SIL1: variants seen among roughly 807,000 people sequenced by gnomAD.
SIL1 encodes SIL1 nucleotide exchange factor, also known as nucleotide exchange factor SIL1.
SIL1 carries 40 observed loss-of-function variants against 49.1 expected under a neutral mutation model. The ratio of observed to expected loss-of-function variants is 0.81; its 90% CI spans 0.63 to 1.06. SIL1 has a LOEUF of 1.06. Ranked by LOEUF, SIL1 falls within the 50% of genes least tolerant of loss-of-function variation. SIL1 has a pLI of 0.00. For missense variants in SIL1, 500 were observed against 572.6 expected (o/e 0.87, Z 1.29); for synonymous variants, 253 against 250.8 (o/e 1.01, Z -0.08).
chr5:139,086,887 G>A (rs961687201), intron 3 of SIL1, among the ~76,000 whole-genome samples: 3 of 151,948 alleles, frequency 2.0e-5, no homozygotes, highest in African/African-American at 4.8e-5. Flanking sequence ...TTGAACTCGG[G>A]AGGCGGAGGT....
intron 7 of SIL1, among the ~76,000 whole-genome samples, chr5:138,972,614 C>T (rs1002364965): frequency 6.6e-6 from 1 of 152,234 alleles, no homozygotes; most frequent in Admixed American, 6.5e-5. Flanking sequence ...CAAGCACCAG[C>T]CAAACCTGGA....
intron 5 of SIL1, among the ~76,000 whole-genome samples, chr5:139,031,924 G>A (rs558826650): frequency 4.4e-4 from 67 of 152,204 alleles, no homozygotes; most frequent in African/African-American, 1.6e-3. Flanking sequence ...AATATTCTTT[G>A]TTAGTATATA....
At chr5:139,128,446 C>T (rs1295218393) in intron 1 of SIL1, among the ~76,000 whole-genome samples, 1 of 151,946 alleles carries the variant, frequency 6.6e-6, no homozygotes, top group Non-Finnish European at 1.5e-5. Flanking sequence ...TCACGACCAG[C>T]CTGAACAACA....
intron 3 of SIL1, among the ~76,000 whole-genome samples, chr5:139,062,070 AC>A (rs1170901094): frequency 6.6e-6 from 1 of 152,060 alleles, no homozygotes; most frequent in African/African-American, 2.4e-5. Flanking sequence ...TTTATTCAAA[AC>A]CCCCGAACAA....
chr5:139,175,304 A>G (rs1184371784), intron 1 of SIL1, among the ~76,000 whole-genome samples: 1 of 152,068 alleles, frequency 6.6e-6, no homozygotes, highest in East Asian at 1.9e-4. Context: ...CTGGGCAACA[A>G]GAGCGAAGCT....
chr5:139,071,549 G>A (rs575761489), intron 3 of SIL1, among the ~76,000 whole-genome samples: 14 of 152,164 alleles, frequency 9.2e-5, no homozygotes, highest in Non-Finnish European at 1.5e-4. Flanking sequence ...AGTCTTAAAG[G>A]AGTATATGTT....
intron 7 of SIL1, among the ~76,000 whole-genome samples, chr5:139,019,923 CT>C (rs35102966): frequency 0.26 from 39,891 of 152,134 alleles, 6,079 homozygotes; most frequent in Middle Eastern, 0.4. Context: ...TCTCAAGCCT[CT>C]AAAGCCTTAT....
intron 7 of SIL1, among the ~76,000 whole-genome samples, chr5:138,962,826 G>C (rs1458539239): frequency 6.6e-6 from 1 of 152,206 alleles, no homozygotes; most frequent in Non-Finnish European, 1.5e-5. Context: ...GCTAGAGGGA[G>C]AGATTGGGAG....
At chr5:139,119,558 C>T (rs1020287448) in intron 3 of SIL1, among the ~76,000 whole-genome samples, 9 of 152,074 alleles carry the variant, frequency 5.9e-5, no homozygotes, top group Non-Finnish European at 1.2e-4. Flanking sequence ...CCCAGGAGTT[C>T]GAGATTAGCC....
At chr5:139,059,629 AGAG>A (rs1445375519) in intron 3 of SIL1, among the ~76,000 whole-genome samples, 1 of 152,242 alleles carries the variant, frequency 6.6e-6, no homozygotes, top group Non-Finnish European at 1.5e-5. Context: ...AAGTAACAAA[AGAG>A]GACATCAACA....
chr5:139,038,300 T>C (rs1377112704), intron 5 of SIL1, among the ~76,000 whole-genome samples: 1 of 152,240 alleles, frequency 6.6e-6, no homozygotes, highest in Admixed American at 6.5e-5. Context: ...GGGTATTAAG[T>C]TATGAAATTC....
Position 139,151,551 on chromosome 5 carries a change from T to G in SIL1, c.-10-23698A>C, listed in dbSNP as rs541209534. On this transcript the variant is annotated intron_variant, in intron 1 of 9. Coordinates refer to ENST00000394817, the MANE Select transcript of SIL1 (RefSeq NM_022464.5). ...CTGTGGGGCCTTGTGGTTTCTTTTC[T>G]AAGGAAAAACTCATCATTCATCTCC... Among the ~76,000 whole-genome samples the G allele has an allele frequency of 2.2e-4, 33 of 152,344 alleles. No homozygotes were observed. The South Asian group carries it at 5.6e-3, about 26-fold the overall frequency.
chr5:138,994,719 C>T (rs981370894), intron 7 of SIL1, among the ~76,000 whole-genome samples: 6 of 151,964 alleles, frequency 3.9e-5, no homozygotes, highest in African/African-American at 1.5e-4. Flanking sequence ...ATTTAATTTC[C>T]GGGACACACG....
In SIL1 at chr5:139,102,806, C is replaced by G. The variant is rs192612456; in HGVS notation, c.244+18229G>C. Among the ~76,000 whole-genome samples the G allele has an allele frequency of 5.4e-3, 816 of 151,948 alleles. 7 individuals carry two copies. Among genetic ancestry groups the G allele is most frequent in the African/African-American group, 0.014 (592 of 41,442 alleles). ...CTCAGCTCACCGCAACCTCCGCCTC[C>G]CAGGTTCAAGCAGTTCTCCTGCCTC... On this transcript the variant is annotated intron_variant, in intron 3 of 9. Coordinates refer to ENST00000394817, the MANE Select transcript of SIL1 (RefSeq NM_022464.5).
chr5:138,982,414 T>A (rs887207006), intron 7 of SIL1, among the ~76,000 whole-genome samples: 2 of 152,198 alleles, frequency 1.3e-5, no homozygotes, highest in African/African-American at 4.8e-5. Flanking sequence ...GAGAATAAAT[T>A]GGAAAACAAA....
At chr5:139,137,547 T>A (rs1035646251) in intron 1 of SIL1, 2 of 485,286 alleles carry the variant, frequency 4.1e-6, no homozygotes, top group South Asian at 3.1e-5. Context: ...ATTATTATTA[T>A]ACTTTAAGTT....
At chr5:138,977,217 C>G (rs1031272997) in intron 7 of SIL1, among the ~76,000 whole-genome samples, 1 of 152,128 alleles carries the variant, frequency 6.6e-6, no homozygotes, top group African/African-American at 2.4e-5. Context: ...ATGAGAGTAG[C>G]CACAAACATG....
intron 1 of SIL1, chr5:139,137,567 A>C (rs1326217668): frequency 2.3e-6 from 1 of 426,574 alleles, no homozygotes; most frequent in South Asian, 3.4e-5. Context: ...TTTAGGGTAC[A>C]TGTGCACAAT....
chr5:139,182,165 C>T lies in SIL1; in HGVS notation c.-11+16104G>A, dbSNP rs369190915. 1.9e-4 allele frequency among the ~76,000 whole-genome samples: 29 copies of T among 152,312 alleles called. No homozygotes were observed. In the East Asian group the frequency reaches 2.1e-3, roughly 11 times the overall value. On this transcript the variant is annotated intron_variant, in intron 1 of 9. Coordinates refer to ENST00000394817, the MANE Select transcript of SIL1 (RefSeq NM_022464.5). The stretch of plus-strand genomic sequence containing the variant: ...GGGGCTTTCTCCTTCAGCCTCAACA[C>T]GCTGCTCTCATTGCTTGGGAGCAGG...
Sources: gnomAD v4.1 joint callset for allele counts (sites outside exome capture counted in the v4.1 genomes callset) on GRCh38, gnomAD v4.1.1 for gene constraint, MANE v1.5 for transcripts, NCBI Gene and HGNC (gene_info 2026-07-23, HGNC 2026-07-21) for gene names.